Variants in ENDOV observed in about 807,000 individuals in gnomAD.
ENDOV encodes hEndoV.
In ENDOV, 37 loss-of-function variants were observed where a neutral mutation model predicts 39.4. The observed-to-expected ratio is 0.94, with a 90% CI of 0.72 to 1.23. The LOEUF (loss-of-function observed/expected upper bound fraction) is 1.23. Ranked by LOEUF, ENDOV falls within the 50% of genes most tolerant of loss-of-function variation. The probability of loss-of-function intolerance (pLI) is 0.00; values close to 1 mark genes in which losing one functional copy is unlikely to be tolerated. For missense variants in ENDOV, 441 were observed against 375.7 expected (o/e 1.17, Z -1.44); for synonymous variants, 186 against 163.4 (o/e 1.14, Z -1.05).
chr17:80,436,029 A>G lies in ENDOV; in HGVS notation c.839-104A>G. On this transcript the variant is annotated intron_variant, in intron 9 of 9. Coordinates refer to ENST00000518137, the MANE Select transcript of ENDOV (RefSeq NM_173627.5). ...CTCGGCCTCCCCAAGTGCTGAGATT[A>G]CAGGCGCGAGCCACTGCACCTGGCC... 5 of 1,302,962 alleles carry G rather than the reference A, an allele frequency of 3.8e-6. No individual in the cohort carries two copies. The Admixed American group carries it at 5.7e-5, about 15-fold the overall frequency. The allele number at this position is 1,302,962 out of a possible 1,614,324, so 80.7% of individuals were successfully genotyped here. A position where few individuals can be genotyped will look rare whatever the true frequency, so the allele number is the denominator to read the frequency against.
chr17:80,430,475 A>T, intron 9 of ENDOV: 3 of 973,222 alleles, frequency 3.1e-6, no homozygotes, highest in Middle Eastern at 2.4e-4. Context: ...CCCCAGCCAC[A>T]CTGAACCACC....
At chr17:80,421,444 C>T (rs1251845626) in intron 2 of ENDOV, among the ~76,000 whole-genome samples, 3 of 149,662 alleles carry the variant, frequency 2.0e-5, no homozygotes, top group Admixed American at 6.6e-5. Context: ...TGGGGCTCCT[C>T]CAGTGGACCG....
intron 9 of ENDOV, among the ~76,000 whole-genome samples, chr17:80,434,879 G>C (rs41302932): frequency 6.7e-6 from 1 of 149,468 alleles, no homozygotes; most frequent in African/African-American, 2.6e-5. Context: ...CCAGGAGGTT[G>C]AGGTTGCAGT....
rs562495399 is a variant in ENDOV, at chr17:80,419,826, C to T, written c.229-2002C>T. Reference sequence around the variant, plus strand: ...ATGTGGTCTACCCAAGTCCCTAGACCTAACTGTCACCCACGCCATTTCAGT... The same window carrying T: ...ATGTGGTCTACCCAAGTCCCTAGACTTAACTGTCACCCACGCCATTTCAGT... On this transcript the variant is annotated intron_variant, in intron 2 of 9. Coordinates refer to ENST00000518137, the MANE Select transcript of ENDOV (RefSeq NM_173627.5). 6.5e-6 allele frequency: 4 copies of T among 619,744 alleles called. No homozygotes were observed. In the East Asian group the frequency reaches 1.1e-4, roughly 17 times the overall value. The allele number at this position is 619,744 out of a possible 1,614,324, so 38.4% of individuals were successfully genotyped here.
chr17:80,415,397 C>T, intron 1 of ENDOV, 147 bp downstream of exon 1: 5 of 1,103,482 alleles, frequency 4.5e-6, no homozygotes, highest in Non-Finnish European at 6.4e-6. Flanking sequence ...GGCGCGGAAG[C>T]GGAGGGATCT....
intron 2 of ENDOV, chr17:80,419,454 C>G (rs886435525): frequency 1.0e-4 from 65 of 634,866 alleles, no homozygotes; most frequent in Non-Finnish European, 1.3e-4. Context: ...ATGCCAGATG[C>G]TGAGCGATGG....
chr17:80,430,557 C>A (rs1219358763), intron 9 of ENDOV, among the ~76,000 whole-genome samples: 5 of 152,192 alleles, frequency 3.3e-5, no homozygotes, highest in African/African-American at 1.2e-4. Flanking sequence ...CTGCCATGAC[C>A]CCTGACCCCA....
In ENDOV at chr17:80,432,419, C is replaced by T. The variant is rs569158897; in HGVS notation, c.838+2588C>T. On this transcript the variant is annotated intron_variant, in intron 9 of 9. Coordinates refer to ENST00000518137, the MANE Select transcript of ENDOV (RefSeq NM_173627.5). Reference sequence around the variant, plus strand: ...GTCTGGATGGGAGGGAGAGCAGGGCCGTGGACAGCCTCCAGAGGTGTTCCC... The same window carrying T: ...GTCTGGATGGGAGGGAGAGCAGGGCTGTGGACAGCCTCCAGAGGTGTTCCC... Among the ~76,000 whole-genome samples, 106 of 152,138 alleles carry T rather than the reference C, an allele frequency of 7.0e-4. 2 individuals carry two copies. Among genetic ancestry groups the T allele is most frequent in the East Asian group, 1.9e-4 (1 of 5,160 alleles).
intron 9 of ENDOV, among the ~76,000 whole-genome samples, chr17:80,432,982 G>T (rs933345511): frequency 2.6e-5 from 4 of 152,122 alleles, no homozygotes; most frequent in Non-Finnish European, 5.9e-5. Context: ...CCATGTGTGT[G>T]CCCCAAGCCA....
chr17:80,423,416 C>G (rs532340771), intron 4 of ENDOV, 104 bp from the exon 5 acceptor site: 71 of 1,123,298 alleles, frequency 6.3e-5, no homozygotes, highest in Middle Eastern at 6.1e-4. Flanking sequence ...GTCCACAGAC[C>G]TCTGCTCACT....
In ENDOV at chr17:80,425,507, G is replaced by A. The variant is rs35929621; in HGVS notation, c.601G>A (p.Asp201Asn). 5,146 of 1,598,276 alleles carry A rather than the reference G, an allele frequency of 3.2e-3. 134 individuals carry two copies. The African/African-American group carries it at 0.058, about 18-fold the overall frequency. ...CTTGTCACAGGCCCTGAGGAGCCAC[G>A]ACCGCAGCACCAGGCCCCTCTACAT... ...TVLGMALRSH[D>N]RSTRPLYISV... Residue 201 changes from aspartate to asparagine, a missense_variant, in exon 7 of 10, where the codon GAC (aspartate) becomes AAC (asparagine). By Grantham distance (23) the Asp-to-Asn change is conservative (BLOSUM62 1). Coordinates refer to ENST00000518137, the MANE Select transcript of ENDOV (RefSeq NM_173627.5).
At chr17:80,429,651 TG>T in intron 8 of ENDOV, 121 bp from the exon 9 acceptor site, 1 of 929,588 alleles carries the variant, frequency 1.1e-6, no homozygotes, top group Non-Finnish European at 1.6e-6. Context: ...CCCTCTGCCC[TG>T]GGCTGTAGCA....
At position 80,425,481 on chromosome 17, in the gene ENDOV, C is replaced by T; in HGVS notation, c.586-11C>T. 1 of 1,592,750 alleles carries T rather than the reference C, an allele frequency of 6.3e-7. No homozygotes were observed. Among genetic ancestry groups the T allele is most frequent in the Non-Finnish European group, 8.5e-7 (1 of 1,174,532 alleles). ...CAGCCCACAGGACAGCCCTCGCCTTCCTTGTCACAGGCCCTGAGGAGCCAC... is the reference window on the plus strand; with the variant it reads ...CAGCCCACAGGACAGCCCTCGCCTTTCTTGTCACAGGCCCTGAGGAGCCAC... On this transcript the variant is annotated splice_polypyrimidine_tract_variant and intron_variant, in intron 6 of 9. Coordinates refer to ENST00000518137, the MANE Select transcript of ENDOV (RefSeq NM_173627.5).
intron 1 of ENDOV, 29 bp from the exon 2 acceptor site, chr17:80,415,621 G>A (rs1283936324): frequency 1.2e-6 from 2 of 1,605,876 alleles, no homozygotes; most frequent in African/African-American, 2.7e-5. Context: ...GTGTGACCCC[G>A]ACCAAGTTTG....
chr17:80,436,372 CA>C lies in ENDOV; in HGVS notation c.*230del. The C allele has an allele frequency of 1.4e-6, 2 of 1,468,796 alleles. No individual in the cohort carries two copies. Among genetic ancestry groups the C allele is most frequent in the African/African-American group, 1.4e-5 (1 of 72,188 alleles). The allele number at this position is 1,468,796 out of a possible 1,614,324, so 91.0% of individuals were successfully genotyped here. On this transcript the variant is annotated 3_prime_UTR_variant, in exon 10 of 10. Coordinates refer to ENST00000518137, the MANE Select transcript of ENDOV (RefSeq NM_173627.5). Reference sequence around the variant, plus strand: ...GTTCCTGATCTTAAGGGAACGTTTGCAGTCTTTCACCACTAGATGTGATGTG... The same window carrying C: ...GTTCCTGATCTTAAGGGAACGTTTGCGTCTTTCACCACTAGATGTGATGTG...
In ENDOV at chr17:80,430,200, TG is replaced by T. The variant is rs1328482202; in HGVS notation, c.838+374del. 2.7e-6 allele frequency: 4 copies of T among 1,473,634 alleles called. No homozygotes were observed. The African/African-American group carries it at 5.6e-5, about 21-fold the overall frequency. 91.3% of individuals were successfully genotyped at this position (1,473,634 alleles called of 1,614,324 possible). ...CGGTGCCTCAGAGGACAGATCTCTA[TG>T]GGGGCAAGTGCCAGATCCTGAGAGC... On this transcript the variant is annotated intron_variant, in intron 9 of 9. Transcript: ENST00000518137.
At chr17:80,434,653 G>A (rs551810886) in intron 9 of ENDOV, among the ~76,000 whole-genome samples, 24 of 152,310 alleles carry the variant, frequency 1.6e-4, no homozygotes, top group African/African-American at 5.1e-4. Context: ...GTAGAAACTG[G>A]TGTTTCGGCT....
intron 7 of ENDOV, among the ~76,000 whole-genome samples, chr17:80,426,829 T>TAAA (rs1307939495): frequency 6.6e-6 from 1 of 152,172 alleles, no homozygotes; most frequent in Non-Finnish European, 1.5e-5. Context: ...TTGGCCTTTT[T>TAAA]AGGTGGCCGC....
intron 8 of ENDOV, 40 bp downstream of exon 8, chr17:80,428,700 C>G: frequency 6.5e-7 from 1 of 1,542,488 alleles, no homozygotes; most frequent in South Asian, 1.2e-5. Context: ...AGGGGCATCT[C>G]ACAGACACCT....
Sources: gnomAD v4.1 joint callset for allele counts (sites outside exome capture counted in the v4.1 genomes callset) on GRCh38, gnomAD v4.1.1 for gene constraint, MANE v1.5 for transcripts, NCBI Gene and HGNC (gene_info 2026-07-23, HGNC 2026-07-21) for gene names.